The following BOD1L1 variants were observed in gnomAD, a reference collection of about 807,000 sequenced individuals.
BOD1L1 encodes the protein biorientation of chromosomes in cell division 1 like 1, also known as biorientation of chromosomes in cell division protein 1-like 1.
Under a neutral mutation model 240.7 loss-of-function variants are expected in BOD1L1, and 86 were observed. That is an observed-to-expected ratio of 0.36 (90% CI 0.30 to 0.43). The LOEUF (loss-of-function observed/expected upper bound fraction) is 0.43, where lower values mean the gene tolerates loss of function less well. Ranked by LOEUF, BOD1L1 falls within the 20% of genes least tolerant of loss-of-function variation. The pLI is 1.00. For synonymous variants in BOD1L1, 1,268 were observed against 1,272.3 expected (o/e 1.00, Z 0.07); for missense variants, 3,554 against 3,643.5 (o/e 0.98, Z 0.63).
chr4:13,625,734 G>T (rs1717339139), intron 1 of BOD1L1: 1 of 152,056 alleles, frequency 6.6e-6, no homozygotes. Context: ...AAAGGCAATA[G>T]AAATTATTTC....
At chr4:13,586,591 G>T in intron 16 of BOD1L1, 116 bp from the exon 17 acceptor site, 1 of 532,260 alleles carries the variant, frequency 1.9e-6, no homozygotes, top group Non-Finnish European at 3.2e-6. Context: ...ATACAGAGAA[G>T]CCAAAAGTTA....
intron 22 of BOD1L1, 103 bp downstream of exon 22, chr4:13,579,825 C>A: frequency 1.2e-6 from 1 of 868,178 alleles, no homozygotes; most frequent in Non-Finnish European, 1.8e-6. Context: ...GGGGGCCACC[C>A]ACTTCAATGA....
chr4:13,585,887 T>C (rs999452796), intron 17 of BOD1L1, among the ~76,000 whole-genome samples: 1 of 152,192 alleles, frequency 6.6e-6, no homozygotes, highest in Non-Finnish European at 1.5e-5. Flanking sequence ...CTTTGCCTTC[T>C]ACCATGATTG....
intron 2 of BOD1L1, among the ~76,000 whole-genome samples, chr4:13,616,978 G>C (rs568571071): frequency 6.6e-6 from 1 of 152,178 alleles, no homozygotes; most frequent in South Asian, 2.1e-4. Context: ...CGGGCATGGT[G>C]GCTCACGCCT....
intron 25 of BOD1L1, among the ~76,000 whole-genome samples, chr4:13,574,300 C>G (rs1046347406): frequency 2.6e-5 from 4 of 152,106 alleles, no homozygotes; most frequent in South Asian, 4.2e-4. Context: ...TACATGACCA[C>G]TGAGAGCCCA....
intron 5 of BOD1L1, 116 bp from the exon 6 acceptor site, chr4:13,611,216 G>A (rs932971408): frequency 9.4e-6 from 6 of 637,576 alleles, no homozygotes; most frequent in African/African-American, 1.8e-5. Context: ...GAAATATCAG[G>A]ATGTGAAGAT....
rs764079216 is a variant in BOD1L1 at position 13,604,116 on chromosome 4, T to C, written c.2784A>G (p.Leu928=). ...GKQVKVVETE[L]QEGATKQATT... ...TTGCCTGTTTTGTGGCACCTTCTTGTAATTCTGTTTCTACAACTTTTACCT... is the reference window on the plus strand; with the variant it reads ...TTGCCTGTTTTGTGGCACCTTCTTGCAATTCTGTTTCTACAACTTTTACCT... The change falls in exon 10 of 26, where the codon TTA becomes TTG. Residue 928 remains leucine (L), a synonymous_variant. Transcript: ENST00000040738. 1.2e-5 allele frequency: 19 copies of C among 1,613,592 alleles called. 1 individual carries two copies. In the South Asian group the frequency reaches 2.0e-4, roughly 17 times the overall value.
At chr4:13,575,906 T>TCC (rs1379689485) in intron 25 of BOD1L1, among the ~76,000 whole-genome samples, 4 of 139,428 alleles carry the variant, frequency 2.9e-5, no homozygotes, top group African/African-American at 1.1e-4. Context: ...TTTTTTTTTT[T>TCC]TTTTTTTTTT....
At position 13,576,973 on chromosome 4, in the gene BOD1L1, C is replaced by G. The variant is rs764444118; in HGVS notation, c.8903G>C (p.Arg2968Thr). 1.9e-6 allele frequency: 3 copies of G among 1,613,840 alleles called. No individual in the cohort carries two copies. The Admixed American group carries it at 5.0e-5, about 27-fold the overall frequency. ...SDDAESSEPE[R>T]KRQKSVSDPV... ...ATCAGAAACTGATTTCTGGCGTTTTCTTTCTGGCTCTGAGGATTCTGTTCA... is the reference window on the plus strand; with the variant it reads ...ATCAGAAACTGATTTCTGGCGTTTTGTTTCTGGCTCTGAGGATTCTGTTCA... The change falls in exon 25 of 26, where the codon AGA becomes ACA. Residue 2968 changes from arginine to threonine, a missense_variant. Physicochemically the swap from Arg to Thr is moderately conservative, Grantham distance 71. Transcript: ENST00000040738.
At chr4:13,580,975 G>C in intron 21 of BOD1L1, 45 bp downstream of exon 21, 1 of 1,527,236 alleles carries the variant, frequency 6.5e-7, no homozygotes, top group South Asian at 1.2e-5. Context: ...CGTTTTTCAG[G>C]TTAAGAGCAA....
chr4:13,578,458 G>A (rs1046745594), intron 22 of BOD1L1, among the ~76,000 whole-genome samples: 4 of 152,216 alleles, frequency 2.6e-5, no homozygotes, highest in African/African-American at 4.8e-5. Context: ...GCTCAACTGG[G>A]AAATGCAAAT....
At chr4:13,597,218 T>C in intron 10 of BOD1L1, 50 bp from the exon 11 acceptor site, 1 of 1,415,998 alleles carries the variant, frequency 7.1e-7, no homozygotes, top group Non-Finnish European at 9.8e-7. Flanking sequence ...GCTTGCAAAA[T>C]ACATCTGGGG....
At chr4:13,580,339 T>A (rs956478468) in intron 21 of BOD1L1, among the ~76,000 whole-genome samples, 3 of 152,230 alleles carry the variant, frequency 2.0e-5, no homozygotes, top group African/African-American at 7.2e-5. Context: ...GCAGGCATCA[T>A]ACCACTTCAC....
rs1716334979 is a variant in BOD1L1 at position 13,613,409 on chromosome 4, C to G, written c.1324+103G>C. 2 of 1,102,616 alleles carry G rather than the reference C, an allele frequency of 1.8e-6. No homozygotes were observed. The highest frequency in any genetic ancestry group is 2.5e-6 in the Non-Finnish European group (2 of 799,228). 68.3% of individuals were successfully genotyped at this position (1,102,616 alleles called of 1,614,324 possible). ...AATCTTCCAACTACAAAATCCCATGCTCTTGCTACTATACCACACTGTTTC... is the reference window on the plus strand; with the variant it reads ...AATCTTCCAACTACAAAATCCCATGGTCTTGCTACTATACCACACTGTTTC... On this transcript the variant is annotated intron_variant, in intron 5 of 25. Coordinates refer to ENST00000040738, the MANE Select transcript of BOD1L1 (RefSeq NM_148894.3). This position sits in a 1 kb window ranked among gnomAD's most constrained non-coding sequence, Gnocchi z 4.0.
chr4:13,596,838 T>C (rs1714656261), intron 11 of BOD1L1, among the ~76,000 whole-genome samples: 1 of 152,140 alleles, frequency 6.6e-6, no homozygotes, highest in Non-Finnish European at 1.5e-5. Context: ...CTGTAAGAAA[T>C]GGCGATAGAT....
rs1177410017 is a variant in BOD1L1, at chr4:13,627,331, G to A, written c.243+14C>T. On this transcript the variant is annotated intron_variant, in intron 1 of 25. Coordinates refer to ENST00000040738, the MANE Select transcript of BOD1L1 (RefSeq NM_148894.3). Reference sequence around the variant, plus strand: ...CCTTCCCTCGCAGACCCCCAAACCCGGCGCGCTCCTAACCTTGGTGTCCAC... The same window carrying A: ...CCTTCCCTCGCAGACCCCCAAACCCAGCGCGCTCCTAACCTTGGTGTCCAC... The A allele has an allele frequency of 1.6e-6, 2 of 1,289,148 alleles. No individual in the cohort carries two copies. Among genetic ancestry groups the A allele is most frequent in the African/African-American group, 1.5e-5 (1 of 65,746 alleles). The allele number at this position is 1,289,148 out of a possible 1,614,324, so 79.9% of individuals were successfully genotyped here.
chr4:13,597,073 C>T (rs1436464492), intron 11 of BOD1L1, 31 bp downstream of exon 11: 3 of 1,520,144 alleles, frequency 2.0e-6, no homozygotes, highest in South Asian at 1.2e-5. Context: ...TAATCACTTA[C>T]AGTTCAGCAC....
At chr4:13,578,116 G>C (rs10024070) in intron 22 of BOD1L1, 4,567 of 154,568 alleles carry the variant, frequency 0.03, 218 homozygotes, top group African/African-American at 0.1. Context: ...ATGTTGGCCA[G>C]GCTACTCTTG....
chr4:13,601,457 C>T lies in BOD1L1; in HGVS notation c.5443G>A (p.Gly1815Ser). The T allele has an allele frequency of 6.2e-7, 1 of 1,614,044 alleles. No individual in the cohort carries two copies. Among genetic ancestry groups the T allele is most frequent in the Non-Finnish European group, 8.5e-7 (1 of 1,179,910 alleles). Residue 1815 changes from glycine to serine, a missense_variant, in exon 10 of 26, where the codon GGC becomes AGC. By Grantham distance (56) the Gly-to-Ser change is moderately conservative. This residue lies in a region of BOD1L1 where 3,393 missense variants were observed against 3,427.1 expected (regional missense o/e 0.99). Coordinates refer to ENST00000040738, the MANE Select transcript of BOD1L1 (RefSeq NM_148894.3). ...TCCGATTCAGAACTTATAGCAAAGC[C>T]TTCGCTGCTATCTTCTGAACCTGTG... Reference protein sequence around the residue: ...SCTGSEDSSEGFAISSESEEN... With the variant: ...SCTGSEDSSESFAISSESEEN...
Sources: gnomAD v4.1 joint callset for allele counts (sites outside exome capture counted in the v4.1 genomes callset) on GRCh38, gnomAD v4.1.1 for gene constraint, gnomAD v4.1.1 regional missense constraint, Gnocchi (gnomAD v3.1) non-coding constraint, MANE v1.5 for transcripts, NCBI Gene and HGNC (gene_info 2026-07-23, HGNC 2026-07-21) for gene names.